The following RALYL variants were observed in gnomAD, a reference collection of about 807,000 sequenced individuals.
RALYL encodes the protein RALY RNA binding protein like, also known as RNA-binding Raly-like protein.
In RALYL, 29 loss-of-function variants were observed where a neutral mutation model predicts 35.1. The ratio of observed to expected loss-of-function variants is 0.83; its 90% CI spans 0.61 to 1.13. The LOEUF is 1.13. RALYL is among the 50% of genes most tolerant of loss of function. RALYL has a pLI of 0.00. For synonymous variants in RALYL, 120 were observed against 127.6 expected (o/e 0.94, Z 0.40); for missense variants, 359 against 360.4 (o/e 1.00, Z 0.03).
intron 1 of RALYL, among the ~76,000 whole-genome samples, chr8:84,322,035 T>C (rs1242397011): frequency 1.3e-5 from 2 of 152,010 alleles, no homozygotes; most frequent in Non-Finnish European, 2.9e-5. Context: ...AAAAACCTGA[T>C]AGAACTGAAA....
At chr8:84,435,169 A>T (rs539210829) in intron 1 of RALYL, among the ~76,000 whole-genome samples, 1 of 152,224 alleles carries the variant, frequency 6.6e-6, no homozygotes, top group South Asian at 2.1e-4. Flanking sequence ...GATGTGGAGG[A>T]TTCTGTGATT....
intron 5 of RALYL, among the ~76,000 whole-genome samples, chr8:84,856,388 GT>G (rs1172593951): frequency 6.6e-6 from 1 of 152,180 alleles, no homozygotes; most frequent in Non-Finnish European, 1.5e-5. Flanking sequence ...TATACAAAAT[GT>G]ACAGTTAGCA....
chr8:84,687,625 T>C (rs1264593705), intron 2 of RALYL, among the ~76,000 whole-genome samples: 1 of 152,138 alleles, frequency 6.6e-6, no homozygotes, highest in African/African-American at 2.4e-5. Flanking sequence ...ATTTAAAAAA[T>C]GTGTTGCATA....
chr8:84,241,148 C>T (rs1028051109), intron 1 of RALYL, among the ~76,000 whole-genome samples: 1 of 152,092 alleles, frequency 6.6e-6, no homozygotes, highest in Non-Finnish European at 1.5e-5. Context: ...ACATGAGTGC[C>T]TGTGCACACA....
In RALYL at chr8:84,384,378, C is replaced by T. The variant is rs184166256; in HGVS notation, c.-23-144921C>T. ...AAGCAATTTCAATTTCCATTTATCA[C>T]GTTACTCCCCTAATTCCTGTAGAGC... On this transcript the variant is annotated intron_variant, in intron 1 of 8. Transcript: ENST00000521268. 2.1e-4 allele frequency among the ~76,000 whole-genome samples: 32 copies of T among 151,818 alleles called. No homozygotes were observed. In the East Asian group the frequency reaches 3.5e-3, roughly 17 times the overall value.
At chr8:84,792,177 C>T (rs1365292845) in intron 3 of RALYL, among the ~76,000 whole-genome samples, 2 of 152,200 alleles carry the variant, frequency 1.3e-5, no homozygotes, top group African/African-American at 2.4e-5. Context: ...CTCTTGGTAC[C>T]CGGGTCCTTG....
intron 3 of RALYL, among the ~76,000 whole-genome samples, chr8:84,779,928 C>T (rs1259997480): frequency 6.6e-6 from 1 of 152,180 alleles, no homozygotes; most frequent in Non-Finnish European, 1.5e-5. Context: ...CTAATTTCAG[C>T]TAATGCTAAA....
chr8:84,205,388 A>T (rs1817827250), intron 1 of RALYL, among the ~76,000 whole-genome samples: 1 of 151,940 alleles, frequency 6.6e-6, no homozygotes, highest in South Asian at 2.1e-4. Context: ...ACTGCATGAA[A>T]CCCTTTTCTG....
At chr8:84,435,111 A>T (rs1379432793) in intron 1 of RALYL, among the ~76,000 whole-genome samples, 2 of 152,154 alleles carry the variant, frequency 1.3e-5, no homozygotes, top group African/African-American at 4.8e-5. Flanking sequence ...AACTTTGAAG[A>T]GTATGAAAAA....
intron 2 of RALYL, among the ~76,000 whole-genome samples, chr8:84,647,073 T>C (rs1280182304): frequency 6.6e-6 from 1 of 152,110 alleles, no homozygotes; most frequent in Non-Finnish European, 1.5e-5. Context: ...GTTGGTTTTA[T>C]AGTTTTTTGG....
intron 1 of RALYL, among the ~76,000 whole-genome samples, chr8:84,363,888 C>G (rs1853633204): frequency 6.6e-6 from 1 of 152,178 alleles, no homozygotes; most frequent in Admixed American, 6.5e-5. Context: ...TAAAAGCAGT[C>G]ATTCCCTTAG....
At chr8:84,354,406 T>G (rs1444207897) in intron 1 of RALYL, among the ~76,000 whole-genome samples, 1 of 150,288 alleles carries the variant, frequency 6.7e-6, no homozygotes, top group Non-Finnish European at 1.5e-5. Context: ...GTGATGGGAT[T>G]GGGATTAGAC....
intron 2 of RALYL, among the ~76,000 whole-genome samples, chr8:84,643,568 G>T (rs1442176218): frequency 6.6e-6 from 1 of 152,002 alleles, no homozygotes; most frequent in Non-Finnish European, 1.5e-5. Context: ...GCATCCCTAT[G>T]CCCCATCATA....
chr8:84,726,952 G>T (rs1845081338), intron 2 of RALYL, among the ~76,000 whole-genome samples: 1 of 152,042 alleles, frequency 6.6e-6, no homozygotes. Context: ...GATTAGTTCT[G>T]CTACAGTGTT....
chr8:84,804,052 A>G lies in RALYL; in HGVS notation c.333-718A>G, dbSNP rs191090637. On this transcript the variant is annotated intron_variant, in intron 3 of 8. Coordinates refer to ENST00000521268, the MANE Select transcript of RALYL (RefSeq NM_173848.7). ...AAGTGGATGCTTTCCTGATTTACTT[A>G]CATGTTGTAAAAAAAATGGAAAGTT... 3.3e-5 allele frequency among the ~76,000 whole-genome samples: 5 copies of G among 152,328 alleles called. No homozygotes were observed. In the South Asian group the frequency reaches 1.0e-3, roughly 32 times the overall value.
intron 3 of RALYL, among the ~76,000 whole-genome samples, chr8:84,797,617 T>C (rs1822253061): frequency 6.6e-6 from 1 of 152,110 alleles, no homozygotes; most frequent in Non-Finnish European, 1.5e-5. Flanking sequence ...CATATGAAAA[T>C]TCCTTTGGAG....
chr8:84,282,894 G>A (rs191612829), intron 1 of RALYL, among the ~76,000 whole-genome samples: 382 of 151,900 alleles, frequency 2.5e-3, no homozygotes, highest in South Asian at 6.7e-3. Context: ...AGAAGAGCGC[G>A]TTCAACTAAG....
At chr8:84,190,861 G>A (rs2130864875) in intron 1 of RALYL, among the ~76,000 whole-genome samples, 1 of 145,088 alleles carries the variant, frequency 6.9e-6, no homozygotes, top group Middle Eastern at 3.4e-3. Context: ...TAGAAATTTG[G>A]GAACATCTGC....
chr8:84,735,811 C>CAAGA (rs1554556052), intron 2 of RALYL, among the ~76,000 whole-genome samples: 12 of 111,310 alleles, frequency 1.1e-4, no homozygotes, highest in Admixed American at 1.1e-3. Flanking sequence ...ATCCAAACCG[C>CAAGA]GAGAGAGAGA....
Sources: allele counts gnomAD v4.1 joint callset (sites outside exome capture counted in the v4.1 genomes callset), GRCh38; gene constraint gnomAD v4.1.1; transcripts MANE v1.5; gene names NCBI Gene and HGNC (gene_info 2026-07-23, HGNC 2026-07-21).